The following ITGA11 variants were observed in gnomAD, a reference collection of about 807,000 sequenced individuals.
The protein encoded by ITGA11 is integrin alpha-11.
A neutral mutation model predicts 141.9 loss-of-function variants in ITGA11; 97 were observed. The observed-to-expected ratio is 0.68, with a 90% CI of 0.58 to 0.81. The LOEUF is 0.81. Ranked by LOEUF, ITGA11 falls within the 30% of genes least tolerant of loss-of-function variation. The pLI, the probability that ITGA11 is intolerant of heterozygous loss-of-function variation, is 0.00. For synonymous variants in ITGA11, 658 were observed against 624.6 expected (o/e 1.05, Z -0.80); for missense variants, 1,387 against 1,559.2 (o/e 0.89, Z 1.86).
Position 68,432,107 on chromosome 15 carries a change from C to A in ITGA11, c.-41G>T, listed in dbSNP as rs765589607. On this transcript the variant is annotated 5_prime_UTR_variant, in exon 1 of 30. Coordinates refer to ENST00000315757, the MANE Select transcript of ITGA11 (RefSeq NM_001004439.2). ...GGCTGGGTCCGGTGTGCAGCGGCGG[C>A]GGGGGGCGGCAAGCCAGAGCGGCAG... The A allele has an allele frequency of 2.2e-6, 3 of 1,344,592 alleles. No individual in the cohort carries two copies. Among genetic ancestry groups the A allele is most frequent in the Admixed American group, 8.1e-5 (2 of 24,794 alleles). The allele number at this position is 1,344,592 out of a possible 1,614,324, so 83.3% of individuals were successfully genotyped here.
chr15:68,336,956 GA>G (rs1474877874), intron 11 of ITGA11, among the ~76,000 whole-genome samples: 3 of 152,184 alleles, frequency 2.0e-5, no homozygotes, highest in African/African-American at 7.2e-5. Flanking sequence ...TGTACTTTGG[GA>G]AATGAGGCTT....
intron 1 of ITGA11, among the ~76,000 whole-genome samples, chr15:68,421,927 C>T (rs1897028462): frequency 6.6e-6 from 1 of 152,184 alleles, no homozygotes; most frequent in Non-Finnish European, 1.5e-5. Flanking sequence ...GGTGCCTTTG[C>T]CCCTGGCTGG....
chr15:68,339,623 C>T lies in ITGA11; in HGVS notation c.1153G>A (p.Val385Ile), dbSNP rs749679114. 58 of 1,613,872 alleles carry T rather than the reference C, an allele frequency of 3.6e-5. 1 individual carries two copies. Among genetic ancestry groups the T allele is most frequent in the South Asian group, 7.7e-5 (7 of 91,092 alleles). Residue 385 changes from valine to isoleucine, a missense_variant, in exon 11 of 30, where the codon GTC (valine) becomes ATC (isoleucine). Physicochemically the swap from Val to Ile is conservative, Grantham distance 29 (BLOSUM62 3). Transcript: ENST00000315757. ...VVEDGVLLGA[V>I]GAYDWNGAVL... ...GCTCCATTCCAGTCATAGGCACCGA[C>T]GGCTCCCAGCAGAACCCCATCCTGG...
chr15:68,365,318 A>G, intron 3 of ITGA11: 5 of 985,468 alleles, frequency 5.1e-6, no homozygotes, highest in Non-Finnish European at 4.8e-6. Context: ...AGCCAACTCA[A>G]CGAGAGCCTT....
chr15:68,331,477 G>C (rs1296815317), intron 14 of ITGA11, among the ~76,000 whole-genome samples: 3 of 152,020 alleles, frequency 2.0e-5, no homozygotes, highest in Non-Finnish European at 4.4e-5. Flanking sequence ...GGTTGGTTTT[G>C]AGGTGGGCAT....
intron 3 of ITGA11, among the ~76,000 whole-genome samples, chr15:68,366,135 T>G (rs972353725): frequency 2.6e-5 from 4 of 152,196 alleles, no homozygotes; most frequent in African/African-American, 9.7e-5. Context: ...TAAGAATGAC[T>G]GGGCTCGATT....
At chr15:68,357,344 A>AT in intron 6 of ITGA11, 45 bp from the exon 7 acceptor site, 1 of 1,579,970 alleles carries the variant, frequency 6.3e-7, no homozygotes, top group Non-Finnish European at 8.6e-7. Context: ...GACCCCATGA[A>AT]CCCATGAACC....
intron 23 of ITGA11, 22 bp downstream of exon 23, chr15:68,313,757 G>C: frequency 6.2e-7 from 1 of 1,605,800 alleles, no homozygotes; most frequent in Non-Finnish European, 8.5e-7. Context: ...CCCTCTCCTG[G>C]GGCCCCCGGA....
chr15:68,356,993 A>C, intron 7 of ITGA11, 158 bp downstream of exon 7: 1 of 682,688 alleles, frequency 1.5e-6, no homozygotes, highest in Non-Finnish European at 2.4e-6. Context: ...CCAAGAGAAA[A>C]CCGACCAGCT....
chr15:68,374,154 G>A (rs565835517), intron 2 of ITGA11, among the ~76,000 whole-genome samples: 1 of 152,308 alleles, frequency 6.6e-6, no homozygotes, highest in African/African-American at 2.4e-5. Flanking sequence ...CCTAGCTCAT[G>A]CTCCACCTGG....
intron 10 of ITGA11, among the ~76,000 whole-genome samples, chr15:68,341,915 C>T (rs1431754359): frequency 2.0e-5 from 3 of 152,314 alleles, no homozygotes; most frequent in South Asian, 2.1e-4. Flanking sequence ...GCCAGGCGAT[C>T]GCTTACAGTC....
chr15:68,359,991 G>A (rs1895190966), intron 5 of ITGA11, among the ~76,000 whole-genome samples: 1 of 152,248 alleles, frequency 6.6e-6, no homozygotes, highest in Admixed American at 6.5e-5. Flanking sequence ...GCAGACAGAG[G>A]AAGGTGGGGG....
chr15:68,358,682 G>A, intron 5 of ITGA11, 97 bp from the exon 6 acceptor site: 1 of 1,301,872 alleles, frequency 7.7e-7, no homozygotes, highest in East Asian at 2.5e-5. Flanking sequence ...GAATGACTCT[G>A]CTCCATATGT....
At chr15:68,342,635 C>T (rs570888293) in intron 10 of ITGA11, among the ~76,000 whole-genome samples, 43 of 152,296 alleles carry the variant, frequency 2.8e-4, no homozygotes, top group Admixed American at 5.9e-4. Context: ...CCCTGTGTTC[C>T]GGCCAGTCCA....
At chr15:68,327,653 C>A (rs957938592) in intron 16 of ITGA11, among the ~76,000 whole-genome samples, 1 of 152,192 alleles carries the variant, frequency 6.6e-6, no homozygotes, top group East Asian at 1.9e-4. Flanking sequence ...AAGGAAACTG[C>A]CCTGCTGTGG....
rs1894035759 is a variant in ITGA11, at chr15:68,328,051, G to A, written c.2068+45C>T. On this transcript the variant is annotated intron_variant, in intron 16 of 29. Transcript: ENST00000315757. The surrounding 1 kb of genome is among the most constrained non-coding windows in gnomAD (Gnocchi z 4.8). ...TTTGAAATAGAGCAAGGTGCAGGGG[G>A]AGACTGGAGTCTGGGGGTGGGGAGA... 1 of 1,567,232 alleles carries A rather than the reference G, an allele frequency of 6.4e-7. No homozygotes were observed. Among genetic ancestry groups the A allele is most frequent in the Non-Finnish European group, 8.7e-7 (1 of 1,152,344 alleles).
Position 68,432,111 on chromosome 15 carries a change from G to A in ITGA11, c.-45C>T. 2 of 1,341,366 alleles carry A rather than the reference G, an allele frequency of 1.5e-6. No homozygotes were observed. The highest frequency in any genetic ancestry group is 1.9e-6 in the Non-Finnish European group (2 of 1,045,452). The allele number at this position is 1,341,366 out of a possible 1,614,324, so 83.1% of individuals were successfully genotyped here. A position where few individuals can be genotyped will look rare whatever the true frequency, so the allele number is the denominator to read the frequency against. ...GGGTCCGGTGTGCAGCGGCGGCGGG[G>A]GGCGGCAAGCCAGAGCGGCAGCCTC... On this transcript the variant is annotated 5_prime_UTR_variant, in exon 1 of 30. Transcript: ENST00000315757.
chr15:68,341,631 G>A (rs74020042), intron 10 of ITGA11, among the ~76,000 whole-genome samples: 7,173 of 152,250 alleles, frequency 0.047, 520 homozygotes, highest in African/African-American at 0.15. Context: ...AGGGAGGGGC[G>A]CAGTATTTGG....
chr15:68,404,854 T>C (rs1025702108), intron 1 of ITGA11, among the ~76,000 whole-genome samples: 2 of 152,224 alleles, frequency 1.3e-5, no homozygotes, highest in African/African-American at 4.8e-5. Context: ...CTTTTATCAT[T>C]GTTGCCCCTT....
Sources: allele counts gnomAD v4.1 joint callset (sites outside exome capture counted in the v4.1 genomes callset), GRCh38; gene constraint gnomAD v4.1.1; non-coding constraint Gnocchi (gnomAD v3.1); transcripts MANE v1.5; gene names NCBI Gene and HGNC (gene_info 2026-07-23, HGNC 2026-07-21).